Variants in HMGCLL1 observed in about 807,000 individuals in gnomAD.
HMGCLL1 encodes the protein 3-hydroxymethyl-3-methylglutaryl-CoA lyase, cytoplasmic.
Under a neutral mutation model 39.1 loss-of-function variants are expected in HMGCLL1, and 36 were observed. That is an observed-to-expected ratio of 0.92 (90% CI 0.71 to 1.22). The LOEUF is 1.22. Among genes scored for constraint, HMGCLL1 ranks in the 50% most tolerant of loss-of-function variants. The pLI is 0.00. For synonymous variants in HMGCLL1, 149 were observed against 144.0 expected, an observed-to-expected ratio of 1.03 and a Z score of -0.25; for missense variants, 451 against 416.5, an observed-to-expected ratio of 1.08 and a Z score of -0.72.
In HMGCLL1 at chr6:55,562,146, T is replaced by C. The variant is rs569554072; in HGVS notation, c.108+16802A>G. On this transcript the variant is annotated intron_variant, in intron 1 of 8. Transcript: ENST00000274901. ...GAGGAACCCAAATTTCCTGAGATTG[T>C]AGGATGAAAAGGATCAAAGTTTTAA... 2.0e-5 allele frequency among the ~76,000 whole-genome samples: 3 copies of C among 152,292 alleles called. No homozygotes were observed. In the East Asian group the frequency reaches 5.8e-4, roughly 29 times the overall value.
intron 7 of HMGCLL1, among the ~76,000 whole-genome samples, chr6:55,455,370 T>C (rs1362755656): frequency 6.6e-6 from 1 of 152,110 alleles, no homozygotes; most frequent in Non-Finnish European, 1.5e-5. Context: ...AAATAATTTT[T>C]TTTTTCTGCC....
At chr6:55,499,582 T>C (rs1312740473) in intron 5 of HMGCLL1, among the ~76,000 whole-genome samples, 1 of 152,058 alleles carries the variant, frequency 6.6e-6, no homozygotes, top group Non-Finnish European at 1.5e-5. Flanking sequence ...CATAGCAACA[T>C]ATAACATTCA....
In HMGCLL1 at chr6:55,543,854, C is replaced by T. The variant is rs77420616; in HGVS notation, c.109-1714G>A. 6.6e-3 allele frequency among the ~76,000 whole-genome samples: 997 copies of T among 151,658 alleles called. 14 individuals are homozygous for T. The highest frequency in any genetic ancestry group is 0.023 in the African/African-American group (935 of 41,348). On this transcript the variant is annotated intron_variant, in intron 1 of 8. Coordinates refer to ENST00000274901, the MANE Select transcript of HMGCLL1 (RefSeq NM_001042406.2). ...TGCCACTGCATTCCAGCCTGGGTGA[C>T]GCAATTAGACCCTGTCTAAATAAAT...
the HMGCLL1 span, among the ~76,000 whole-genome samples, chr6:55,675,586 TA>T: frequency 6.6e-6 from 1 of 152,136 alleles, no homozygotes; most frequent in African/African-American, 2.4e-5. Context: ...TCCAGGTTCC[TA>T]AGGCATTTGA....
At chr6:55,677,050 T>C in the HMGCLL1 span, among the ~76,000 whole-genome samples, 1 of 152,236 alleles carries the variant, frequency 6.6e-6, no homozygotes, top group Non-Finnish European at 1.5e-5. Flanking sequence ...ATAATTGTTA[T>C]TTCTAGGCTT....
chr6:55,509,516 T>C (rs1227988316), intron 5 of HMGCLL1, among the ~76,000 whole-genome samples: 7 of 151,860 alleles, frequency 4.6e-5, no homozygotes, highest in Admixed American at 4.6e-4. Flanking sequence ...CAACGTGACC[T>C]AGGTGGTTTG....
the HMGCLL1 span, among the ~76,000 whole-genome samples, chr6:55,627,458 T>A: frequency 1.3e-5 from 2 of 152,096 alleles, no homozygotes; most frequent in South Asian, 4.1e-4. Flanking sequence ...TTATGTATGA[T>A]CTCAGGAGAT....
At chr6:55,500,938 T>G (rs1766849226) in intron 5 of HMGCLL1, among the ~76,000 whole-genome samples, 1 of 152,008 alleles carries the variant, frequency 6.6e-6, no homozygotes, top group African/African-American at 2.4e-5. Context: ...TCCTTCTAAA[T>G]GTGAAAAACA....
chr6:55,621,523 C>A, the HMGCLL1 span, among the ~76,000 whole-genome samples: 2 of 151,882 alleles, frequency 1.3e-5, no homozygotes, highest in African/African-American at 4.8e-5. Flanking sequence ...CTACTGTGAC[C>A]TGCCCATGTG....
chr6:55,500,132 A>C (rs1272968492), intron 5 of HMGCLL1, among the ~76,000 whole-genome samples: 2 of 151,948 alleles, frequency 1.3e-5, no homozygotes, highest in African/African-American at 2.4e-5. Context: ...TAAAAGGGAG[A>C]GGGATGGTGG....
chr6:55,481,386 T>G (rs1352577351), intron 7 of HMGCLL1, among the ~76,000 whole-genome samples: 1 of 151,878 alleles, frequency 6.6e-6, no homozygotes, highest in Admixed American at 6.6e-5. Flanking sequence ...CATTTAAAAA[T>G]AACTAAAAGA....
intron 3 of HMGCLL1, among the ~76,000 whole-genome samples, chr6:55,531,974 A>C (rs1164178308): frequency 6.6e-6 from 1 of 152,152 alleles, no homozygotes; most frequent in Non-Finnish European, 1.5e-5. Context: ...AATAGGAAAA[A>C]GACATAGTAA....
intron 1 of HMGCLL1, among the ~76,000 whole-genome samples, chr6:55,543,609 C>T: frequency 7.2e-6 from 1 of 138,170 alleles, no homozygotes. Context: ...TTTTTGCCAG[C>T]ACTTTGGAAG....
chr6:55,460,472 C>T (rs924390309), intron 7 of HMGCLL1, among the ~76,000 whole-genome samples: 2 of 151,704 alleles, frequency 1.3e-5, no homozygotes, highest in African/African-American at 4.8e-5. Context: ...TTTTATCAGC[C>T]GCATCTTTAT....
chr6:55,642,613 T>A, the HMGCLL1 span, among the ~76,000 whole-genome samples: 1 of 152,102 alleles, frequency 6.6e-6, no homozygotes, highest in African/African-American at 2.4e-5. Context: ...AATCCAATTA[T>A]ACCTTTTAGT....
chr6:55,657,760 A>G, the HMGCLL1 span, among the ~76,000 whole-genome samples: 1 of 152,046 alleles, frequency 6.6e-6, no homozygotes, highest in African/African-American at 2.4e-5. Context: ...ATTTGCAGAA[A>G]CATGGGTGGA....
chr6:55,544,126 G>C (rs1481029129), intron 1 of HMGCLL1, among the ~76,000 whole-genome samples: 1 of 152,038 alleles, frequency 6.6e-6, no homozygotes. Flanking sequence ...CCCACTGGGA[G>C]CAGCCTAGCT....
intron 3 of HMGCLL1, among the ~76,000 whole-genome samples, chr6:55,519,579 A>G (rs1386001597): frequency 6.6e-6 from 1 of 152,158 alleles, no homozygotes; most frequent in East Asian, 1.9e-4. Context: ...AAATTACAAA[A>G]AGAAAATAAG....
At chr6:55,640,118 G>T in the HMGCLL1 span, among the ~76,000 whole-genome samples, 6 of 151,878 alleles carry the variant, frequency 4.0e-5, no homozygotes, top group Non-Finnish European at 7.4e-5. Flanking sequence ...AAAAGGGAAA[G>T]AAGAAGAGAA....
Sources: allele counts gnomAD v4.1 joint callset (sites outside exome capture counted in the v4.1 genomes callset), GRCh38; gene constraint gnomAD v4.1.1; transcripts MANE v1.5; gene names NCBI Gene and HGNC (gene_info 2026-07-23, HGNC 2026-07-21).